NEXMIF: variants seen among roughly 807,000 people sequenced by gnomAD.
The protein encoded by NEXMIF is neurite extension and migration factor, also known as XLMR protein related to neurite extension.
A neutral mutation model predicts 62.1 loss-of-function variants in NEXMIF; 8 were observed. The ratio of observed to expected loss-of-function variants is 0.13; its 90% CI spans 0.08 to 0.23. NEXMIF has a LOEUF of 0.23. NEXMIF is among the 10% of genes least tolerant of loss of function. The pLI is 1.00. For missense variants in NEXMIF, 976 were observed against 1,113.3 expected, an observed-to-expected ratio of 0.88 and a Z score of 1.75; for synonymous variants, 404 against 416.6, an observed-to-expected ratio of 0.97 and a Z score of 0.37.
intron 1 of NEXMIF, among the ~76,000 whole-genome samples, chrX:74,849,619 A>C (rs929051196): frequency 2.7e-5 from 3 of 112,556 alleles, no homozygotes; most frequent in Non-Finnish European, 5.6e-5. Context: ...TTGCATCTCC[A>C]CATCCCTGGA....
At chrX:74,842,991 T>C (rs779001388) in intron 1 of NEXMIF, among the ~76,000 whole-genome samples, 3 of 111,804 alleles carry the variant, frequency 2.7e-5, no homozygotes, top group Admixed American at 9.5e-5. Context: ...ATCAGATCCA[T>C]TTGGTCCAAT....
At chrX:74,777,280 G>C (rs1012416184) in intron 1 of NEXMIF, among the ~76,000 whole-genome samples, 1 of 111,194 alleles carries the variant, frequency 9.0e-6, no homozygotes, top group African/African-American at 3.3e-5. Context: ...GGTCAGAATA[G>C]ACATTTTTGA....
chrX:74,896,832 T>G (rs956391676), intron 1 of NEXMIF, among the ~76,000 whole-genome samples: 1 of 111,881 alleles, frequency 8.9e-6, no homozygotes, highest in African/African-American at 3.2e-5. Context: ...ACCTTTCCAT[T>G]AGAATTTGAT....
chrX:74,836,849 A>G (rs2080458541), intron 1 of NEXMIF, among the ~76,000 whole-genome samples: 1 of 111,185 alleles, frequency 9.0e-6, no homozygotes, highest in Non-Finnish European at 1.9e-5. Context: ...AGCCTAGCCC[A>G]GCACTAAGGG....
At position 74,793,210 on chromosome X, in the gene NEXMIF, T is replaced by C. The variant is rs1405455729; in HGVS notation, c.-47-47513A>G. ...TCTCAGCATTTGCTTGTCTGTAAAG[T>C]ATTTAATTTCTCCTTCACTTATGAA... On this transcript the variant is annotated intron_variant, in intron 1 of 3. Coordinates refer to ENST00000055682, the MANE Select transcript of NEXMIF (RefSeq NM_001008537.3). 6.4e-5 allele frequency among the ~76,000 whole-genome samples: 7 copies of C among 109,410 alleles called. 1 individual carries two copies. Among genetic ancestry groups the C allele is most frequent in the Admixed American group, 2.0e-4 (2 of 10,210 alleles).
At chrX:74,884,167 A>G (rs1478792226) in intron 1 of NEXMIF, among the ~76,000 whole-genome samples, 1 of 112,016 alleles carries the variant, frequency 8.9e-6, no homozygotes, top group Non-Finnish European at 1.9e-5. Context: ...GAAAGGAACA[A>G]CCAGTACCAG....
chrX:74,775,438 C>T (rs1460867491), intron 1 of NEXMIF, among the ~76,000 whole-genome samples: 1 of 111,650 alleles, frequency 9.0e-6, no homozygotes, highest in East Asian at 2.8e-4. Context: ...TCCAGAACCC[C>T]TATGGAGACT....
chrX:74,743,056 C>T lies in NEXMIF; in HGVS notation c.1501G>A (p.Gly501Ser), dbSNP rs747796062. The T allele has an allele frequency of 8.3e-7, 1 of 1,209,970 alleles. No homozygotes were observed. Among genetic ancestry groups the T allele is most frequent in the Non-Finnish European group, 1.1e-6 (1 of 894,386 alleles). The change falls in exon 3 of 4, where the codon GGT (glycine) becomes AGT (serine). Residue 501 changes from glycine to serine, a missense_variant. Gly to Ser is a moderately conservative substitution (Grantham distance 56, BLOSUM62 0). Around this residue, in one of 5 missense-constraint regions of NEXMIF, gnomAD observed 639 missense variants for 694.5 expected, o/e 0.92. Coordinates refer to ENST00000055682, the MANE Select transcript of NEXMIF (RefSeq NM_001008537.3). The stretch of plus-strand genomic sequence containing the variant: ...TCCTTCCTCTCATTTACTTTTTCAC[C>T]CTCTAGTGAGTCAACATCATATAGA... ...DYLYDVDSLE[G>S]EKVNERKEWL...
chrX:74,767,497 C>T (rs746113891), intron 1 of NEXMIF, among the ~76,000 whole-genome samples: 2 of 111,642 alleles, frequency 1.8e-5, no homozygotes, highest in African/African-American at 3.3e-5. Context: ...CGGGATCCAG[C>T]ACCCATGTGA....
intron 2 of NEXMIF, 116 bp downstream of exon 2, chrX:74,745,456 C>G: frequency 2.0e-6 from 1 of 499,800 alleles, no homozygotes; most frequent in Non-Finnish European, 3.5e-6. Flanking sequence ...AATTAACATT[C>G]ATTTCAGAGG....
chrX:74,886,212 G>A (rs1429531152), intron 1 of NEXMIF, among the ~76,000 whole-genome samples: 1 of 111,641 alleles, frequency 9.0e-6, no homozygotes, highest in African/African-American at 3.3e-5. Flanking sequence ...GACAAAAACT[G>A]GAAGCATTCC....
intron 1 of NEXMIF, among the ~76,000 whole-genome samples, chrX:74,818,618 ATTAAAC>A (rs2080383930): frequency 8.9e-6 from 1 of 112,407 alleles, no homozygotes; most frequent in South Asian, 3.6e-4. Context: ...GTGGGACCTA[ATTAAAC>A]TAAAGATTTT....
Position 74,733,807 on chromosome X carries a change from G to A in NEXMIF, c.*5598C>T, listed in dbSNP as rs944720507. 1 of 112,126 alleles carries A rather than the reference G, an allele frequency of 8.9e-6. No homozygotes were observed. The highest frequency in any genetic ancestry group is 3.2e-5 in the African/African-American group (1 of 30,785). 9.2% of individuals were successfully genotyped at this position (112,126 alleles called of 1,213,427 possible). On this transcript the variant is annotated 3_prime_UTR_variant, in exon 4 of 4. Coordinates refer to ENST00000055682, the MANE Select transcript of NEXMIF (RefSeq NM_001008537.3). ...TACACTCTTTCACAACATGTTTTGT[G>A]TTACAAAATTTCCAACAAAAGTGTA...
At chrX:74,868,019 A>C (rs1347851146) in intron 1 of NEXMIF, among the ~76,000 whole-genome samples, 1 of 112,326 alleles carries the variant, frequency 8.9e-6, no homozygotes, top group Non-Finnish European at 1.9e-5. Context: ...AAGAGACATG[A>C]AAAAAAGCTC....
At chrX:74,893,559 C>T (rs2080724183) in intron 1 of NEXMIF, among the ~76,000 whole-genome samples, 1 of 111,707 alleles carries the variant, frequency 9.0e-6, no homozygotes, top group African/African-American at 3.3e-5. Context: ...CTTGTTTCCT[C>T]AACAAACATA....
chrX:74,845,588 AAAT>A (rs919413649), intron 1 of NEXMIF, among the ~76,000 whole-genome samples: 2 of 111,243 alleles, frequency 1.8e-5, no homozygotes, highest in African/African-American at 3.3e-5. Context: ...ATGGCTAGTC[AAAT>A]AATAACAAGT....
At chrX:74,749,942 T>C (rs951185163) in intron 1 of NEXMIF, among the ~76,000 whole-genome samples, 19 of 112,030 alleles carry the variant, frequency 1.7e-4, no homozygotes, top group African/African-American at 5.8e-4. Context: ...TAGGGAATAA[T>C]GTTTGGCTGA....
At chrX:74,842,392 CCTAT>C (rs932500888) in intron 1 of NEXMIF, among the ~76,000 whole-genome samples, 19 of 111,316 alleles carry the variant, frequency 1.7e-4, no homozygotes, top group Middle Eastern at 4.6e-3. Context: ...TAGCTAGAGG[CCTAT>C]CTATCTTATT....
chrX:74,793,432 G>A (rs891590781), intron 1 of NEXMIF, among the ~76,000 whole-genome samples: 1 of 108,902 alleles, frequency 9.2e-6, no homozygotes, highest in East Asian at 2.9e-4. Context: ...TTCAACTTTG[G>A]TGAATCTGAC....
Sources: allele counts gnomAD v4.1 joint callset (sites outside exome capture counted in the v4.1 genomes callset), GRCh38; gene constraint gnomAD v4.1.1; regional missense constraint gnomAD v4.1.1; transcripts MANE v1.5; gene names NCBI Gene and HGNC (gene_info 2026-07-23, HGNC 2026-07-21).